The following PDE10A variants were observed in gnomAD, a reference collection of about 807,000 sequenced individuals.
PDE10A encodes cAMP and cAMP-inhibited cGMP 3',5'-cyclic phosphodiesterase 10A.
In PDE10A, 39 loss-of-function variants were observed where a neutral mutation model predicts 97.7. That is an observed-to-expected ratio of 0.40 (90% CI 0.31 to 0.52). The LOEUF is 0.52. Among genes scored for constraint, PDE10A ranks in the 20% least tolerant of loss-of-function variants. The pLI, the probability that PDE10A is intolerant of heterozygous loss-of-function variation, is 0.56. For synonymous variants in PDE10A, 371 were observed against 376.8 expected, an observed-to-expected ratio of 0.98 and a Z score of 0.18; for missense variants, 731 against 1,047.8, an observed-to-expected ratio of 0.70 and a Z score of 4.17.
chr6:165,829,861 G>A (rs1393695283), intron 1 of PDE10A, among the ~76,000 whole-genome samples: 4 of 152,090 alleles, frequency 2.6e-5, no homozygotes, highest in Non-Finnish European at 4.4e-5. Flanking sequence ...GCAGCCTTGC[G>A]GCCCCTAACA....
intron 2 of PDE10A, among the ~76,000 whole-genome samples, chr6:165,537,873 G>T (rs1213546449): frequency 6.6e-6 from 1 of 151,786 alleles, no homozygotes; most frequent in African/African-American, 2.4e-5. Flanking sequence ...CCAAAATTAG[G>T]TTTCATGCAA....
intron 1 of PDE10A, among the ~76,000 whole-genome samples, chr6:165,869,546 G>A (rs182314212): frequency 5.5e-4 from 84 of 152,018 alleles, no homozygotes; most frequent in African/African-American, 1.1e-3. Flanking sequence ...GATTTGATGC[G>A]TCCCCTATCA....
intron 2 of PDE10A, among the ~76,000 whole-genome samples, chr6:165,491,318 A>T (rs780533234): frequency 1.4e-4 from 22 of 152,206 alleles, no homozygotes; most frequent in Non-Finnish European, 1.9e-4. Flanking sequence ...TACTCCACTG[A>T]CAGCACTAAA....
chr6:165,794,610 C>T (rs1044037367), intron 1 of PDE10A, among the ~76,000 whole-genome samples: 1 of 152,102 alleles, frequency 6.6e-6, no homozygotes, highest in African/African-American at 2.4e-5. Flanking sequence ...CACTCATACA[C>T]TCACATACAC....
intron 1 of PDE10A, among the ~76,000 whole-genome samples, chr6:165,692,444 G>A (rs770929449): frequency 5.9e-5 from 9 of 152,104 alleles, no homozygotes; most frequent in Non-Finnish European, 1.0e-4. Flanking sequence ...GGTCACTACC[G>A]GGACTTGCTT....
intron 1 of PDE10A, among the ~76,000 whole-genome samples, chr6:165,749,237 CCATCACATCACCATCATCACCAT>C (rs1792918559): frequency 2.3e-5 from 2 of 86,456 alleles, no homozygotes; most frequent in East Asian, 3.0e-4. Flanking sequence ...ACCATCACCA[CCATCACATCACCATCATCACCAT>C]TACCACCATC....
chr6:165,712,124 T>G (rs1382982187), intron 1 of PDE10A, among the ~76,000 whole-genome samples: 1 of 151,970 alleles, frequency 6.6e-6, no homozygotes, highest in South Asian at 2.1e-4. Flanking sequence ...GGTTCTGGGC[T>G]CCACCGTAGT....
intron 1 of PDE10A, among the ~76,000 whole-genome samples, chr6:165,920,265 A>G (rs1034647879): frequency 2.6e-5 from 4 of 152,226 alleles, no homozygotes; most frequent in Non-Finnish European, 5.9e-5. Flanking sequence ...AATGCCATGT[A>G]GTAAATGTAT....
intron 3 of PDE10A, among the ~76,000 whole-genome samples, chr6:165,452,989 C>A (rs576448956): frequency 6.6e-6 from 1 of 151,576 alleles, no homozygotes; most frequent in Admixed American, 6.6e-5. Flanking sequence ...GAAACATGGA[C>A]AATAAAGGCT....
At chr6:165,919,150 C>G (rs1782685391) in intron 1 of PDE10A, among the ~76,000 whole-genome samples, 1 of 152,224 alleles carries the variant, frequency 6.6e-6, no homozygotes, top group Non-Finnish European at 1.5e-5. Context: ...AAGCCGGTTT[C>G]ATGCCTTCAC....
At chr6:165,648,203 G>A (rs977191621) in intron 1 of PDE10A, among the ~76,000 whole-genome samples, 3 of 151,754 alleles carry the variant, frequency 2.0e-5, no homozygotes, top group Non-Finnish European at 2.9e-5. Flanking sequence ...TAGTAGAGAC[G>A]GGGTTTCACC....
chr6:165,714,563 G>GGGGA (rs1421223046), intron 1 of PDE10A, among the ~76,000 whole-genome samples: 1 of 152,232 alleles, frequency 6.6e-6, no homozygotes, highest in Non-Finnish European at 1.5e-5. Context: ...GGGGCAGCCA[G>GGGGA]GGGAGGGGAT....
intron 18 of PDE10A, among the ~76,000 whole-genome samples, chr6:165,373,203 G>A (rs982380079): frequency 6.6e-6 from 1 of 151,008 alleles, no homozygotes. Context: ...CAAAAGCAAT[G>A]GCAACAAAAG....
chr6:165,459,223 T>C (rs1023857031), intron 3 of PDE10A, among the ~76,000 whole-genome samples: 14 of 152,180 alleles, frequency 9.2e-5, no homozygotes, highest in African/African-American at 2.4e-5. Context: ...CAAAGACTTA[T>C]CTTGATCCGC....
At chr6:165,674,423 T>C (rs570703998) in intron 1 of PDE10A, among the ~76,000 whole-genome samples, 1 of 152,154 alleles carries the variant, frequency 6.6e-6, no homozygotes, top group Admixed American at 6.5e-5. Context: ...GAAGTTCCTT[T>C]CTATTCTGAG....
chr6:165,775,270 T>A (rs1480328620), intron 1 of PDE10A: 1 of 152,184 alleles, frequency 6.6e-6, no homozygotes. Context: ...AACGGTGATA[T>A]CATAATCACC....
intron 1 of PDE10A, among the ~76,000 whole-genome samples, chr6:165,867,523 A>AT (rs1279192475): frequency 6.6e-6 from 1 of 152,114 alleles, no homozygotes; most frequent in African/African-American, 2.4e-5. Flanking sequence ...GTACCCTGAT[A>AT]TATGAAGCCA....
At chr6:165,625,598 C>G (rs567498697) in intron 1 of PDE10A, among the ~76,000 whole-genome samples, 2 of 152,126 alleles carry the variant, frequency 1.3e-5, no homozygotes, top group Non-Finnish European at 2.9e-5. Context: ...ATGGGAGGGA[C>G]CTGGTGAGAG....
intron 16 of PDE10A, 72 bp downstream of exon 16, chr6:165,392,574 C>G: frequency 1.4e-6 from 2 of 1,400,350 alleles, no homozygotes; most frequent in Admixed American, 3.6e-5. Context: ...TCCATGTCAT[C>G]AATGTGCTCC....
Sources: allele counts gnomAD v4.1 joint callset (sites outside exome capture counted in the v4.1 genomes callset), GRCh38; gene constraint gnomAD v4.1.1; transcripts MANE v1.5; gene names NCBI Gene and HGNC (gene_info 2026-07-23, HGNC 2026-07-21).